The following MYO1D variants were observed in gnomAD, a reference collection of about 807,000 sequenced individuals.
MYO1D encodes the protein unconventional myosin-Id.
Under a neutral mutation model 122.0 loss-of-function variants are expected in MYO1D, and 83 were observed. The observed-to-expected ratio is 0.68, with a 90% CI of 0.57 to 0.82. MYO1D has a LOEUF of 0.82. MYO1D is among the 40% of genes least tolerant of loss of function. The pLI, the probability that MYO1D is intolerant of heterozygous loss-of-function variation, is 0.00. For synonymous variants in MYO1D, 464 were observed against 446.9 expected (o/e 1.04, Z -0.48); for missense variants, 1,157 against 1,269.5 (o/e 0.91, Z 1.35).
At chr17:32,813,151 A>T (rs929810572) in intron 1 of MYO1D, among the ~76,000 whole-genome samples, 1 of 152,212 alleles carries the variant, frequency 6.6e-6, no homozygotes, top group African/African-American at 2.4e-5. Flanking sequence ...ATATCCTCAA[A>T]TATCACTCTA....
At chr17:32,628,559 A>G (rs1279878646) in intron 20 of MYO1D, among the ~76,000 whole-genome samples, 1 of 152,256 alleles carries the variant, frequency 6.6e-6, no homozygotes, top group African/African-American at 2.4e-5. Flanking sequence ...TTAGGCTTAC[A>G]TGAAGATCAA....
At chr17:32,577,925 G>C (rs547799479) in intron 21 of MYO1D, among the ~76,000 whole-genome samples, 22 of 152,174 alleles carry the variant, frequency 1.4e-4, no homozygotes, top group African/African-American at 4.8e-4. Context: ...ATTTTTAGTA[G>C]AGACAGGATT....
chr17:32,852,786 AAG>A (rs1361548820), intron 1 of MYO1D, among the ~76,000 whole-genome samples: 12 of 152,230 alleles, frequency 7.9e-5, no homozygotes, highest in African/African-American at 2.4e-4. Flanking sequence ...TAGATAAAAA[AAG>A]AAACAATTTT....
intron 21 of MYO1D, among the ~76,000 whole-genome samples, chr17:32,500,870 A>C (rs112638836): frequency 6.6e-6 from 1 of 152,090 alleles, no homozygotes; most frequent in East Asian, 1.9e-4. Context: ...TTAGCCGGGC[A>C]TGGTGGTGGG....
chr17:32,838,026 A>G (rs2090844393), intron 1 of MYO1D, among the ~76,000 whole-genome samples: 1 of 152,074 alleles, frequency 6.6e-6, no homozygotes, highest in Admixed American at 6.6e-5. Flanking sequence ...CCAAGATGTA[A>G]TGTTCTTTGT....
At chr17:32,642,324 G>A (rs2150942084) in intron 19 of MYO1D, among the ~76,000 whole-genome samples, 1 of 152,288 alleles carries the variant, frequency 6.6e-6, no homozygotes, top group East Asian at 1.9e-4. Context: ...TGCTGTTTTG[G>A]TTACTGTAGC....
chr17:32,605,335 C>T (rs2087613973), intron 20 of MYO1D, 94 bp from the exon 21 acceptor site: 1 of 1,210,064 alleles, frequency 8.3e-7, no homozygotes, highest in Non-Finnish European at 1.1e-6. Context: ...TGGCATGTGC[C>T]TGTAGTCCCA....
Position 32,740,046 on chromosome 17 carries a change from T to C in MYO1D, c.1614-1661A>G, listed in dbSNP as rs773246012. ...CCATAATTTTCCATTTGTACACTTATATCAAAATGACTACATAGATGTATA... is the reference window on the plus strand; with the variant it reads ...CCATAATTTTCCATTTGTACACTTACATCAAAATGACTACATAGATGTATA... On this transcript the variant is annotated intron_variant, in intron 13 of 21. Coordinates refer to ENST00000318217, the MANE Select transcript of MYO1D (RefSeq NM_015194.3). Among the ~76,000 whole-genome samples, 54 of 152,370 alleles carry C rather than the reference T, an allele frequency of 3.5e-4. 1 individual carries two copies. The highest frequency in any genetic ancestry group is 1.4e-3 in the Admixed American group (22 of 15,306).
At position 32,846,295 on chromosome 17, in the gene MYO1D, G is replaced by A. The variant is rs2090936999; in HGVS notation, c.95+30483C>T. On this transcript the variant is annotated intron_variant, in intron 1 of 21. Transcript: ENST00000318217. ...GAATACCTACTTCAACATTATCTCA[G>A]GCATTAACCAAAAAGTGTATGTGTA... 2.6e-5 allele frequency among the ~76,000 whole-genome samples: 4 copies of A among 152,080 alleles called. No individual in the cohort carries two copies. In the South Asian group the frequency reaches 8.3e-4, roughly 32 times the overall value.
chr17:32,735,843 A>G (rs2089695290), intron 14 of MYO1D, among the ~76,000 whole-genome samples: 1 of 152,042 alleles, frequency 6.6e-6, no homozygotes, highest in South Asian at 2.1e-4. Flanking sequence ...GTTCTTTCAC[A>G]TGAATGTTGC....
intron 21 of MYO1D, among the ~76,000 whole-genome samples, chr17:32,573,997 C>T (rs543118226): frequency 2.6e-5 from 4 of 152,236 alleles, no homozygotes; most frequent in East Asian, 3.9e-4. Context: ...GGACTACAGG[C>T]GCCCGCCACC....
intron 16 of MYO1D, among the ~76,000 whole-genome samples, chr17:32,663,726 G>C (rs1263634328): frequency 6.6e-6 from 1 of 152,126 alleles, no homozygotes; most frequent in Admixed American, 6.6e-5. Context: ...TGAAAGAAAG[G>C]GTCCCCGATG....
chr17:32,687,142 C>A (rs994860333), intron 16 of MYO1D, among the ~76,000 whole-genome samples: 1 of 151,416 alleles, frequency 6.6e-6, no homozygotes, highest in African/African-American at 2.4e-5. Context: ...CCCGCCCGCA[C>A]CCCAGCCTCC....
intron 1 of MYO1D, among the ~76,000 whole-genome samples, chr17:32,835,544 C>T (rs1289067305): frequency 6.6e-6 from 1 of 152,088 alleles, no homozygotes; most frequent in Non-Finnish European, 1.5e-5. Context: ...CTTACACGGC[C>T]CTGAAATGGA....
chr17:32,842,769 A>G (rs1038964849), intron 1 of MYO1D, among the ~76,000 whole-genome samples: 1 of 152,030 alleles, frequency 6.6e-6, no homozygotes. Flanking sequence ...TAAGTATCCA[A>G]TTTCTTCTAG....
chr17:32,871,080 T>C (rs180883831), intron 1 of MYO1D, among the ~76,000 whole-genome samples: 4 of 152,258 alleles, frequency 2.6e-5, no homozygotes, highest in East Asian at 1.9e-4. Flanking sequence ...AGTAAGAGTA[T>C]GGCAGGCAGG....
intron 21 of MYO1D, 119 bp from the exon 22 acceptor site, chr17:32,495,034 G>A (rs893500102): frequency 7.8e-7 from 1 of 1,280,210 alleles, no homozygotes; most frequent in Non-Finnish European, 1.1e-6. Context: ...ACAAGTGCCA[G>A]GAGGATGCCT....
In MYO1D at chr17:32,659,252, C is replaced by A; in HGVS notation, c.2208G>T (p.Val736=). 1 of 1,614,228 alleles carries A rather than the reference C, an allele frequency of 6.2e-7. No homozygotes were observed. Among genetic ancestry groups the A allele is most frequent in the South Asian group, 1.1e-5 (1 of 91,082 alleles). Residue 736 remains valine, a synonymous_variant, in exon 17 of 22, where the codon GTG becomes GTT. Coordinates refer to ENST00000318217, the MANE Select transcript of MYO1D (RefSeq NM_015194.3). The stretch of plus-strand genomic sequence containing the variant: ...TGGCCACCTCGTGGATGTACGACTT[C>A]ACTTTGTAGCGCCGGTAGTACCTGA... ...TIIRYYRRYK[V]KSYIHEVARR...
At chr17:32,870,543 C>T (rs1014746229) in intron 1 of MYO1D, among the ~76,000 whole-genome samples, 1 of 150,656 alleles carries the variant, frequency 6.6e-6, no homozygotes, top group African/African-American at 2.4e-5. Context: ...AACTCACTGC[C>T]CCAACACACA....
Sources: gnomAD v4.1 joint callset for allele counts (sites outside exome capture counted in the v4.1 genomes callset) on GRCh38, gnomAD v4.1.1 for gene constraint, MANE v1.5 for transcripts, NCBI Gene and HGNC (gene_info 2026-07-23, HGNC 2026-07-21) for gene names.